Variants in PRR16 observed in about 807,000 individuals in gnomAD.
PRR16 encodes proline rich 16, also known as protein Largen.
Under a neutral mutation model 18.2 loss-of-function variants are expected in PRR16, and 6 were observed. That is an observed-to-expected ratio of 0.33 (90% CI 0.18 to 0.65). The LOEUF (loss-of-function observed/expected upper bound fraction) is 0.65, where lower values mean the gene tolerates loss of function less well. Among genes scored for constraint, PRR16 ranks in the 30% least tolerant of loss-of-function variants. The pLI, the probability that PRR16 is intolerant of heterozygous loss-of-function variation, is 0.74. For synonymous variants in PRR16, 151 were observed against 147.8 expected (o/e 1.02, Z -0.16); for missense variants, 412 against 376.6 (o/e 1.09, Z -0.78).
chr5:120,698,276 A>G, the PRR16 span, among the ~76,000 whole-genome samples: 1 of 152,026 alleles, frequency 6.6e-6, no homozygotes, highest in African/African-American at 2.4e-5. Context: ...ATGTAGAATG[A>G]TTGGTGATGG....
chr5:120,530,934 A>G (rs544890017), intron 1 of PRR16, among the ~76,000 whole-genome samples: 3 of 152,188 alleles, frequency 2.0e-5, no homozygotes, highest in Non-Finnish European at 2.9e-5. Context: ...AATTTTACCT[A>G]TGTCATTTCA....
At chr5:120,741,582 T>A in the PRR16 span, among the ~76,000 whole-genome samples, 1 of 152,200 alleles carries the variant, frequency 6.6e-6, no homozygotes, top group African/African-American at 2.4e-5. Flanking sequence ...TCATTAAGTA[T>A]GATACTTTCT....
At chr5:120,773,299 C>T in the PRR16 span, among the ~76,000 whole-genome samples, 63 of 152,220 alleles carry the variant, frequency 4.1e-4, no homozygotes, top group African/African-American at 1.4e-3. Flanking sequence ...GATGAGGGCT[C>T]ATATGGCAGC....
intron 1 of PRR16, among the ~76,000 whole-genome samples, chr5:120,601,162 A>T (rs1306816867): frequency 6.6e-6 from 1 of 152,078 alleles, no homozygotes; most frequent in Non-Finnish European, 1.5e-5. Flanking sequence ...TGCTTTCCAC[A>T]GTGGCGGAAC....
At chr5:120,696,111 G>A in the PRR16 span, among the ~76,000 whole-genome samples, 9 of 151,900 alleles carry the variant, frequency 5.9e-5, no homozygotes, top group Admixed American at 1.3e-4. Context: ...ACGTAGTGGC[G>A]AGCGCCTGTA....
intron 1 of PRR16, among the ~76,000 whole-genome samples, chr5:120,501,054 C>A (rs1750436055): frequency 6.6e-6 from 1 of 151,690 alleles, no homozygotes; most frequent in Non-Finnish European, 1.5e-5. Context: ...AGTATTTTCT[C>A]CTAAAGAATT....
chr5:120,497,447 A>G (rs1031891426), intron 1 of PRR16, among the ~76,000 whole-genome samples: 12 of 135,826 alleles, frequency 8.8e-5, no homozygotes, highest in African/African-American at 1.8e-4. Context: ...CTGGAGTGCA[A>G]TGGCGTGATC....
intron 1 of PRR16, among the ~76,000 whole-genome samples, chr5:120,580,182 A>G (rs1164349231): frequency 6.6e-6 from 1 of 152,178 alleles, no homozygotes; most frequent in Non-Finnish European, 1.5e-5. Context: ...GCAAACAGAG[A>G]CAACTTGACT....
At chr5:120,646,052 ATATAT>A (rs1347573037) in intron 1 of PRR16, among the ~76,000 whole-genome samples, 13 of 35,878 alleles carry the variant, frequency 3.6e-4, no homozygotes, top group Non-Finnish European at 7.5e-4. Context: ...CATATTTTAT[ATATAT>A]ATATATATAT....
At position 120,464,387 on chromosome 5, in the gene PRR16, G is replaced by C. The variant is rs555838644; in HGVS notation, c.-100G>C. The C allele has an allele frequency of 2.9e-4, 399 of 1,359,526 alleles. 3 individuals carry two copies. In the African/African-American group the frequency reaches 5.4e-3, roughly 18 times the overall value. The allele number at this position is 1,359,526 out of a possible 1,614,324, so 84.2% of individuals were successfully genotyped here. Reference sequence around the variant, plus strand: ...GCCCAGGGAGCGCCCAAGATGTGGGGGGACCGGGGCGGCAGCGGCCGTAGC... The same window carrying C: ...GCCCAGGGAGCGCCCAAGATGTGGGCGGACCGGGGCGGCAGCGGCCGTAGC... On this transcript the variant is annotated 5_prime_UTR_variant, in exon 1 of 2. Coordinates refer to ENST00000407149, the MANE Select transcript of PRR16 (RefSeq NM_001300783.2).
At chr5:120,744,142 A>G in the PRR16 span, among the ~76,000 whole-genome samples, 24 of 151,864 alleles carry the variant, frequency 1.6e-4, no homozygotes, top group South Asian at 6.2e-4. Context: ...ACCAGCAAGC[A>G]GACAGGAGGC....
At chr5:120,552,910 C>A (rs913576675) in intron 1 of PRR16, among the ~76,000 whole-genome samples, 1 of 151,864 alleles carries the variant, frequency 6.6e-6, no homozygotes, top group Middle Eastern at 3.4e-3. Context: ...AATGGGGAGA[C>A]CTGAGGTCTG....
chr5:120,640,138 A>G (rs59166325), intron 1 of PRR16, among the ~76,000 whole-genome samples: 35,383 of 151,804 alleles, frequency 0.23, 5,656 homozygotes, highest in African/African-American at 0.45. Context: ...GAACTACTAG[A>G]GGGGGTAGGG....
the PRR16 span, among the ~76,000 whole-genome samples, chr5:120,723,506 A>G: frequency 7.2e-5 from 11 of 152,062 alleles, no homozygotes; most frequent in Non-Finnish European, 1.3e-4. Flanking sequence ...ATTAGCATAC[A>G]AGCAATGTGC....
In PRR16 at chr5:120,680,669, T is replaced by C. The variant is rs1408611445; in HGVS notation, c.160-5285T>C. On this transcript the variant is annotated intron_variant, in intron 1 of 1. Transcript: ENST00000407149. Reference sequence around the variant, plus strand: ...AATTTACATTTGCACTGACAATGCATAAGTTCCAATTATAGATATCATCAC... The same window carrying C: ...AATTTACATTTGCACTGACAATGCACAAGTTCCAATTATAGATATCATCAC... Among the ~76,000 whole-genome samples, 3 of 152,168 alleles carry C rather than the reference T, an allele frequency of 2.0e-5. No homozygotes were observed. In the East Asian group the frequency reaches 5.8e-4, roughly 29 times the overall value.
intron 1 of PRR16, among the ~76,000 whole-genome samples, chr5:120,522,279 G>A (rs1432721445): frequency 6.6e-6 from 1 of 152,172 alleles, no homozygotes; most frequent in African/African-American, 2.4e-5. Context: ...CTAGTTTACA[G>A]TCCCACCAAC....
chr5:120,788,845 T>A, the PRR16 span, among the ~76,000 whole-genome samples: 2 of 152,126 alleles, frequency 1.3e-5, no homozygotes, highest in African/African-American at 4.8e-5. Flanking sequence ...AGTTACTGAT[T>A]TTTTTTCCTT....
At chr5:120,548,974 C>CACAT (rs1466855926) in intron 1 of PRR16, among the ~76,000 whole-genome samples, 1 of 151,400 alleles carries the variant, frequency 6.6e-6, no homozygotes, top group African/African-American at 2.4e-5. Context: ...TGTACACACA[C>CACAT]ACACACACAC....
intron 1 of PRR16, among the ~76,000 whole-genome samples, chr5:120,519,156 T>C (rs968359853): frequency 3.9e-5 from 6 of 152,038 alleles, no homozygotes; most frequent in South Asian, 2.1e-4. Context: ...AGAGAGAATC[T>C]AGACCCTAGG....
Sources: gnomAD v4.1 joint callset for allele counts (sites outside exome capture counted in the v4.1 genomes callset) on GRCh38, gnomAD v4.1.1 for gene constraint, MANE v1.5 for transcripts, NCBI Gene and HGNC (gene_info 2026-07-23, HGNC 2026-07-21) for gene names.